CDH9: variants seen among roughly 807,000 people sequenced by gnomAD.
CDH9 encodes the protein cadherin 9, also known as cadherin-9.
CDH9 carries 28 observed loss-of-function variants against 70.9 expected under a neutral mutation model. That is an observed-to-expected ratio of 0.40 (90% CI 0.29 to 0.54). The LOEUF (loss-of-function observed/expected upper bound fraction) is 0.54, where lower values mean the gene tolerates loss of function less well. CDH9 is among the 20% of genes least tolerant of loss of function. CDH9 has a pLI of 0.59. For missense variants in CDH9, 874 were observed against 984.4 expected (o/e 0.89, Z 1.50); for synonymous variants, 409 against 343.1 (o/e 1.19, Z -2.12).
chr5:26,960,250 C>A (rs952057392), intron 2 of CDH9, among the ~76,000 whole-genome samples: 1 of 151,936 alleles, frequency 6.6e-6, no homozygotes, highest in African/African-American at 2.4e-5. Flanking sequence ...CAATGCTGGT[C>A]ATGTTCTAAG....
chr5:27,033,547 T>TCTGTTAAGTTTTCTTGAA (rs1481246507), intron 1 of CDH9, among the ~76,000 whole-genome samples: 6 of 151,572 alleles, frequency 4.0e-5, no homozygotes, highest in African/African-American at 1.2e-4. Flanking sequence ...CTCTTAACTT[T>TCTGTTAAGTTTTCTTGAA]CTGTTAAGTT....
chr5:27,033,855 A>G (rs1474260299), intron 1 of CDH9, among the ~76,000 whole-genome samples: 1 of 151,628 alleles, frequency 6.6e-6, no homozygotes, highest in Admixed American at 6.6e-5. Context: ...TCCCAGTTTT[A>G]TAAAAGCAGT....
chr5:26,970,918 T>C (rs1742208158), intron 2 of CDH9, among the ~76,000 whole-genome samples: 1 of 152,118 alleles, frequency 6.6e-6, no homozygotes, highest in South Asian at 2.1e-4. Context: ...ATAATTCAAG[T>C]TGAATACCAA....
chr5:26,905,817 T>C, intron 5 of CDH9, 142 bp downstream of exon 5: 1 of 643,096 alleles, frequency 1.6e-6, no homozygotes, highest in Non-Finnish European at 2.8e-6. Flanking sequence ...TTGTGTTTTT[T>C]TTTTGGTAGA....
At chr5:27,021,960 A>G (rs1473415255) in intron 1 of CDH9, among the ~76,000 whole-genome samples, 2 of 152,018 alleles carry the variant, frequency 1.3e-5, no homozygotes, top group Non-Finnish European at 2.9e-5. Flanking sequence ...TTAATTCACT[A>G]TCGGATACTC....
At chr5:26,902,429 G>T in intron 7 of CDH9, 47 bp downstream of exon 7, 2 of 1,304,646 alleles carry the variant, frequency 1.5e-6, no homozygotes, top group Non-Finnish European at 2.2e-6. Flanking sequence ...TAAATAGTGA[G>T]ATTATTATAT....
At chr5:26,925,204 C>A (rs1741315472) in intron 2 of CDH9, among the ~76,000 whole-genome samples, 1 of 152,162 alleles carries the variant, frequency 6.6e-6, no homozygotes, top group South Asian at 2.1e-4. Context: ...CACATCCTCT[C>A]CAGCATCTCT....
At chr5:26,941,510 A>C (rs1442079265) in intron 2 of CDH9, among the ~76,000 whole-genome samples, 1 of 152,218 alleles carries the variant, frequency 6.6e-6, no homozygotes, top group Non-Finnish European at 1.5e-5. Flanking sequence ...GAAAATATGA[A>C]CCAGACTATT....
At position 26,883,347 on chromosome 5, in the gene CDH9, T is replaced by G. The variant is rs1164502375; in HGVS notation, c.1883-1724A>C. On this transcript the variant is annotated intron_variant, in intron 11 of 11. Coordinates refer to ENST00000231021, the MANE Select transcript of CDH9 (RefSeq NM_016279.4). ...TGTACTAATTCCCACAAATGGTCCT[T>G]AGAATCTGTTCTGAGCTTTTCCTTT... Among the ~76,000 whole-genome samples the G allele has an allele frequency of 4.6e-5, 7 of 151,742 alleles. No homozygotes were observed. The East Asian group carries it at 1.4e-3, about 29-fold the overall frequency.
chr5:26,966,445 G>T (rs894057572), intron 2 of CDH9, among the ~76,000 whole-genome samples: 2 of 152,028 alleles, frequency 1.3e-5, no homozygotes, highest in African/African-American at 2.4e-5. Flanking sequence ...CTGAACACAG[G>T]TCACCCAATC....
intron 2 of CDH9, among the ~76,000 whole-genome samples, chr5:26,966,346 A>C (rs1742129390): frequency 6.6e-6 from 1 of 152,192 alleles, no homozygotes; most frequent in Non-Finnish European, 1.5e-5. Flanking sequence ...GAAGGCTCTA[A>C]TAAAACTCCC....
At chr5:26,982,063 G>A (rs1204161179) in intron 2 of CDH9, among the ~76,000 whole-genome samples, 6 of 151,632 alleles carry the variant, frequency 4.0e-5, no homozygotes, top group South Asian at 2.1e-4. Flanking sequence ...CCTCCGTCTC[G>A]TCCTTCCTGA....
chr5:27,030,473 G>T (rs779437212), intron 1 of CDH9, among the ~76,000 whole-genome samples: 125 of 150,986 alleles, frequency 8.3e-4, no homozygotes, highest in Middle Eastern at 6.8e-3. Context: ...AATGAACCAG[G>T]GAAAGCAGAA....
rs1158933503 is a variant in CDH9, at chr5:27,034,550, TATAA to T, written c.-50+3909_-50+3912del. 4.6e-5 allele frequency among the ~76,000 whole-genome samples: 7 copies of T among 151,610 alleles called. No individual in the cohort carries two copies. In the South Asian group the frequency reaches 1.5e-3, roughly 31 times the overall value. Reference sequence around the variant, plus strand: ...ACTTTTTTTACTTTTATTCCTAAAATATAAATAAATAAATAATACATCTCTCTCT... The same window carrying T: ...ACTTTTTTTACTTTTATTCCTAAAATATAAATAAATAATACATCTCTCTCT... On this transcript the variant is annotated intron_variant, in intron 1 of 11. Coordinates refer to ENST00000231021, the MANE Select transcript of CDH9 (RefSeq NM_016279.4).
At chr5:26,954,384 C>CTTTTTTTTTTTTTT (rs141394776) in intron 2 of CDH9, among the ~76,000 whole-genome samples, 6 of 18,368 alleles carry the variant, frequency 3.3e-4, no homozygotes, top group African/African-American at 7.7e-4. Context: ...ATTATACAGC[C>CTTTTTTTTTTTTTT]TTTCTTTTTT....
intron 2 of CDH9, among the ~76,000 whole-genome samples, chr5:26,935,035 AC>A (rs1402450752): frequency 6.6e-6 from 1 of 152,168 alleles, no homozygotes; most frequent in Non-Finnish European, 1.5e-5. Flanking sequence ...AATAATTACA[AC>A]ATGACCAATT....
intron 1 of CDH9, among the ~76,000 whole-genome samples, chr5:27,018,181 T>C (rs1743078577): frequency 6.6e-6 from 1 of 151,832 alleles, no homozygotes; most frequent in East Asian, 1.9e-4. Flanking sequence ...TAAACTTTGG[T>C]AACCCCAAAA....
chr5:27,031,715 C>G (rs80222821), intron 1 of CDH9, among the ~76,000 whole-genome samples: 179 of 151,982 alleles, frequency 1.2e-3, no homozygotes, highest in African/African-American at 4.1e-3. Context: ...CTGGAAGGAG[C>G]AAAAGGTCTA....
chr5:26,991,936 A>G (rs1742585716), intron 1 of CDH9, among the ~76,000 whole-genome samples: 1 of 152,178 alleles, frequency 6.6e-6, no homozygotes, highest in Non-Finnish European at 1.5e-5. Flanking sequence ...AATAGGGAGC[A>G]AAGTGGTTCT....
Sources: gnomAD v4.1 joint callset for allele counts (sites outside exome capture counted in the v4.1 genomes callset) on GRCh38, gnomAD v4.1.1 for gene constraint, MANE v1.5 for transcripts, NCBI Gene and HGNC (gene_info 2026-07-23, HGNC 2026-07-21) for gene names.